Variants in MMP28 observed in about 807,000 individuals in gnomAD.
The protein encoded by MMP28 is matrix metalloproteinase-28.
In MMP28, 55 loss-of-function variants were observed where a neutral mutation model predicts 60.5. The ratio of observed to expected loss-of-function variants is 0.91; its 90% CI spans 0.73 to 1.14. The LOEUF (loss-of-function observed/expected upper bound fraction) is 1.14, where lower values mean the gene tolerates loss of function less well. Ranked by LOEUF, MMP28 falls within the 50% of genes most tolerant of loss-of-function variation. The pLI, the probability that MMP28 is intolerant of heterozygous loss-of-function variation, is 0.00. For missense variants in MMP28, 686 were observed against 738.3 expected, an observed-to-expected ratio of 0.93 and a Z score of 0.82; for synonymous variants, 318 against 312.5, an observed-to-expected ratio of 1.02 and a Z score of -0.18.
chr17:35,788,814 A>G (rs1204516778), intron 1 of MMP28, among the ~76,000 whole-genome samples: 1 of 152,160 alleles, frequency 6.6e-6, no homozygotes, highest in Non-Finnish European at 1.5e-5. Flanking sequence ...AAGAAGGTCC[A>G]AGCAAAGCAA....
Position 35,773,399 on chromosome 17 carries a change from T to C in MMP28, c.385A>G (p.Lys129Glu), listed in dbSNP as rs201780117. ...TAGGAGAGGTGCTGCTTGTACCATT[T>C]GTTACCTGCCACCCAGAAAGCCCAC... Reference protein sequence around the residue: ...RKKRFAKQGNKWYKQHLSYRL... With the variant: ...RKKRFAKQGNEWYKQHLSYRL... Residue 129 changes from lysine to glutamate, a missense_variant, in exon 4 of 8, where the codon AAA becomes GAA. Coordinates refer to ENST00000605424, the MANE Select transcript of MMP28 (RefSeq NM_024302.5). The C allele has an allele frequency of 7.4e-4, 1,173 of 1,591,100 alleles. No individual in the cohort carries two copies. Among genetic ancestry groups the C allele is most frequent in the Non-Finnish European group, 9.7e-4 (1,128 of 1,168,512 alleles).
chr17:35,772,489 G>A (rs780512568), intron 4 of MMP28, among the ~76,000 whole-genome samples: 1 of 152,234 alleles, frequency 6.6e-6, no homozygotes, highest in Admixed American at 6.5e-5. Context: ...CTGAAAGCAG[G>A]AGGGTGCGAG....
At chr17:35,770,994 G>A (rs1191409612) in intron 4 of MMP28, among the ~76,000 whole-genome samples, 4 of 152,072 alleles carry the variant, frequency 2.6e-5, no homozygotes, top group Non-Finnish European at 5.9e-5. Flanking sequence ...TCAAGGCTGC[G>A]GTGAGCTGTG....
chr17:35,764,087 T>C (rs782341898), downstream of MMP28: 229 of 1,548,468 alleles, frequency 1.5e-4, 3 homozygotes, highest in East Asian at 5.6e-3. Flanking sequence ...GAAGGAGGGG[T>C]CGGAGGACGA....
At chr17:35,763,172 G>T (rs2085858685), downstream of MMP28, among the ~76,000 whole-genome samples, 1 of 151,980 alleles carries the variant, frequency 6.6e-6, no homozygotes, top group Admixed American at 6.6e-5. Context: ...GCGGCTCGTG[G>T]CTGTGATCCC....
chr17:35,779,013 T>C lies in MMP28; in HGVS notation c.254A>G (p.Gln85Arg). 1.9e-6 allele frequency: 3 copies of C among 1,614,092 alleles called. No individual in the cohort carries two copies. Among genetic ancestry groups the C allele is most frequent in the Non-Finnish European group, 2.5e-6 (3 of 1,179,906 alleles). Residue 85 changes from glutamine (Q) to arginine (R), a missense_variant, in exon 3 of 8, where the codon CAG (glutamine) becomes CGG (arginine). Transcript: ENST00000605424. Reference sequence around the variant, plus strand: ...AACCCCGCAGCGGGGACGAGTCATCTGGCGCAGGGTGGCGCGGTCCAACAC... The same window carrying C: ...AACCCCGCAGCGGGGACGAGTCATCCGGCGCAGGGTGGCGCGGTCCAACAC... ...SGVLDRATLR[Q>R]MTRPRCGVTD...
At chr17:35,790,609 C>T (rs2086786125) in intron 1 of MMP28, among the ~76,000 whole-genome samples, 1 of 151,952 alleles carries the variant, frequency 6.6e-6, no homozygotes, top group Non-Finnish European at 1.5e-5. Context: ...TTAAAGTTTC[C>T]AACTATCCAG....
intron 4 of MMP28, among the ~76,000 whole-genome samples, 197 bp from the exon 5 acceptor site, chr17:35,770,509 G>A (rs935856442): frequency 1.3e-5 from 2 of 152,368 alleles, no homozygotes; most frequent in Admixed American, 6.5e-5. Context: ...TGCAGTGGAC[G>A]ATGAGTAGGC....
At chr17:35,764,820 C>A, downstream of MMP28, 1 of 549,178 alleles carries the variant, frequency 1.8e-6, no homozygotes, top group Non-Finnish European at 3.0e-6. Context: ...GCCCCCAGTG[C>A]AGAGCCCAGC....
Position 35,773,511 on chromosome 17 carries a change from C to T in MMP28, c.380-107G>A, listed in dbSNP as rs904144362. 8 of 993,906 alleles carry T rather than the reference C, an allele frequency of 8.0e-6. No homozygotes were observed. In the South Asian group the frequency reaches 9.8e-5, roughly 12 times the overall value. 61.6% of individuals were successfully genotyped at this position (993,906 alleles called of 1,614,324 possible). A position where few individuals can be genotyped will look rare whatever the true frequency, so the allele number is the denominator to read the frequency against. ...GGTAGGCCCTCCCCCAGCAGCCCCT[C>T]GTCTGACGGGGAAGACACAGTTTTT... On this transcript the variant is annotated intron_variant, in intron 3 of 7. Coordinates refer to ENST00000605424, the MANE Select transcript of MMP28 (RefSeq NM_024302.5).
downstream of MMP28, chr17:35,761,095 C>CT: frequency 1.2e-6 from 1 of 811,318 alleles, no homozygotes; most frequent in Non-Finnish European, 1.8e-6. Context: ...TTTCGCCTTC[C>CT]TGAATTTTTT....
intron 4 of MMP28, among the ~76,000 whole-genome samples, chr17:35,772,323 A>G (rs552409907): frequency 2.9e-4 from 44 of 152,352 alleles, no homozygotes; most frequent in Non-Finnish European, 4.9e-4. Flanking sequence ...AGGTATGGAT[A>G]GAACCATGTC....
intron 1 of MMP28, among the ~76,000 whole-genome samples, chr17:35,789,351 T>C (rs546002834): frequency 6.6e-6 from 1 of 152,332 alleles, no homozygotes; most frequent in Admixed American, 6.5e-5. Context: ...AGCCCTCTTA[T>C]TTTACAGGAG....
intron 1 of MMP28, among the ~76,000 whole-genome samples, chr17:35,794,227 G>T (rs928775758): frequency 6.7e-6 from 1 of 150,318 alleles, no homozygotes. Flanking sequence ...AAAAGATACT[G>T]TTGTGTTATT....
In MMP28 at chr17:35,766,917, G is replaced by A; in HGVS notation, c.1169-23C>T. On this transcript the variant is annotated intron_variant, in intron 7 of 7. Coordinates refer to ENST00000605424, the MANE Select transcript of MMP28 (RefSeq NM_024302.5). This position sits in a 1 kb window ranked among gnomAD's most constrained non-coding sequence, Gnocchi z 4.3. ...CCCCTGTGGGGAATTGGGAGAGCCA[G>A]GGTGAGCTGGAGGCTGTCACCCATT... 1.9e-6 allele frequency: 3 copies of A among 1,550,486 alleles called. No individual in the cohort carries two copies. The highest frequency in any genetic ancestry group is 2.6e-6 in the Non-Finnish European group (3 of 1,150,560).
rs1010658740 is a variant in MMP28 at position 35,773,424 on chromosome 17, C to T, written c.380-20G>A. ...TGTTACCTGCCACCCAGAAAGCCCACGTCAGTCACACCTGCTGCAGAGCCC... is the reference window on the plus strand; with the variant it reads ...TGTTACCTGCCACCCAGAAAGCCCATGTCAGTCACACCTGCTGCAGAGCCC... On this transcript the variant is annotated intron_variant, in intron 3 of 7. Coordinates refer to ENST00000605424, the MANE Select transcript of MMP28 (RefSeq NM_024302.5). 1.2e-5 allele frequency: 19 copies of T among 1,561,888 alleles called. No homozygotes were observed. Among genetic ancestry groups the T allele is most frequent in the Admixed American group, 3.8e-5 (2 of 52,512 alleles).
chr17:35,790,060 CTTTTTT>C (rs56405134), intron 1 of MMP28, among the ~76,000 whole-genome samples: 3 of 66,938 alleles, frequency 4.5e-5, no homozygotes, highest in African/African-American at 1.2e-4. Flanking sequence ...CCGCACCTGG[CTTTTTT>C]TTTTTTTTTT....
rs1555604305 is a variant in MMP28, at chr17:35,768,348, C to T, written c.882G>A (p.Gln294=). 5 of 1,611,686 alleles carry T rather than the reference C, an allele frequency of 3.1e-6. No homozygotes were observed. Among genetic ancestry groups the T allele is most frequent in the African/African-American group, 1.3e-5 (1 of 74,754 alleles). ...GKPLGGSVAV[Q]LPGKLFTDFE... ...AGTCAGTGAACAGCTTTCCTGGGAG[C>T]TGGACGGCCACTGAGCCCCCTAGGG... The change falls in exon 6 of 8, where the codon CAG becomes CAA. Residue 294 remains glutamine (Q), a synonymous_variant. Coordinates refer to ENST00000605424, the MANE Select transcript of MMP28 (RefSeq NM_024302.5).
At chr17:35,792,342 T>C (rs2086838394) in intron 1 of MMP28, among the ~76,000 whole-genome samples, 1 of 152,062 alleles carries the variant, frequency 6.6e-6, no homozygotes, top group Non-Finnish European at 1.5e-5. Flanking sequence ...CCAGACACCA[T>C]GTTATAAGGA....
Sources: gnomAD v4.1 joint callset for allele counts (sites outside exome capture counted in the v4.1 genomes callset) on GRCh38, gnomAD v4.1.1 for gene constraint, Gnocchi (gnomAD v3.1) non-coding constraint, MANE v1.5 for transcripts, NCBI Gene and HGNC (gene_info 2026-07-23, HGNC 2026-07-21) for gene names.